Variants in SSH1 observed in about 807,000 individuals in gnomAD.
SSH1 encodes the protein protein phosphatase Slingshot homolog 1.
In SSH1, 43 loss-of-function variants were observed where a neutral mutation model predicts 79.7. That is an observed-to-expected ratio of 0.54 (90% CI 0.42 to 0.70). The LOEUF (loss-of-function observed/expected upper bound fraction) is 0.70. SSH1 is among the 30% of genes least tolerant of loss of function. The pLI, the probability that SSH1 is intolerant of heterozygous loss-of-function variation, is 0.00. For missense variants in SSH1, 1,206 were observed against 1,358.8 expected, an observed-to-expected ratio of 0.89 and a Z score of 1.77; for synonymous variants, 599 against 538.3, an observed-to-expected ratio of 1.11 and a Z score of -1.56.
chr12:108,792,949 T>C (rs1191213323), intron 13 of SSH1, 120 bp from the exon 14 acceptor site: 4 of 1,205,292 alleles, frequency 3.3e-6, no homozygotes, highest in Non-Finnish European at 4.7e-6. Context: ...GGACGATCCA[T>C]GGCTCATTCA....
At chr12:108,824,067 G>C (rs1159006660) in intron 2 of SSH1, among the ~76,000 whole-genome samples, 1 of 152,194 alleles carries the variant, frequency 6.6e-6, no homozygotes, top group South Asian at 2.1e-4. Context: ...TAACTCTCTG[G>C]CTTTTAACAA....
At chr12:108,794,181 A>T (rs2036640057) in intron 13 of SSH1, among the ~76,000 whole-genome samples, 1 of 152,198 alleles carries the variant, frequency 6.6e-6, no homozygotes, top group Non-Finnish European at 1.5e-5. Flanking sequence ...TCCTTCCAAC[A>T]CCAGACTGAT....
At chr12:108,835,365 T>C (rs969259708) in intron 2 of SSH1, among the ~76,000 whole-genome samples, 2 of 152,026 alleles carry the variant, frequency 1.3e-5, no homozygotes, top group Middle Eastern at 3.4e-3. Context: ...ACCCAGGAGA[T>C]GGAGGTTGCA....
intron 2 of SSH1, among the ~76,000 whole-genome samples, chr12:108,828,231 T>A (rs2038379535): frequency 6.6e-6 from 1 of 152,184 alleles, no homozygotes; most frequent in South Asian, 2.1e-4. Context: ...GGGGCTTCTC[T>A]TCCCTCGGCT....
At position 108,788,995 on chromosome 12, in the gene SSH1, G is replaced by A. The variant is rs61739305; in HGVS notation, c.2143C>T (p.Leu715=). 6 of 1,609,702 alleles carry A rather than the reference G, an allele frequency of 3.7e-6. No homozygotes were observed. The South Asian group carries it at 4.4e-5, about 12-fold the overall frequency. ...ASGPTEPPPF[L]PPAGSRRADT... is the part of the protein sequence containing the mutation. ...GCCCTCCTGGAGCCTGCTGGTGGTAGGAACGGGGGAGGTTCGGTTGGGCCA... is the reference window on the plus strand; with the variant it reads ...GCCCTCCTGGAGCCTGCTGGTGGTAAGAACGGGGGAGGTTCGGTTGGGCCA... Residue 715 remains leucine (L), a synonymous_variant, in exon 15 of 15, where the codon CTA becomes TTA. Transcript: ENST00000326495.
chr12:108,825,208 C>A (rs568083799), intron 2 of SSH1, among the ~76,000 whole-genome samples: 1 of 152,294 alleles, frequency 6.6e-6, no homozygotes, highest in South Asian at 2.1e-4. Flanking sequence ...AAGCAGTCTT[C>A]TAATTAAAGA....
intron 2 of SSH1, among the ~76,000 whole-genome samples, chr12:108,846,476 C>A (rs999874576): frequency 6.6e-6 from 1 of 152,200 alleles, no homozygotes; most frequent in Non-Finnish European, 1.5e-5. Context: ...ACAGTCTGAA[C>A]GGCACAGCTT....
Position 108,788,723 on chromosome 12 carries a change from G to A in SSH1, c.2415C>T (p.Tyr805=). The A allele has an allele frequency of 6.2e-7, 1 of 1,614,246 alleles. No individual in the cohort carries two copies. The highest frequency in any genetic ancestry group is 8.5e-7 in the Non-Finnish European group (1 of 1,180,044). ...TGATGGACTCCTGGTGCTGCATCAG[G>A]TAGCTGTTGGTTGTCGGCTTCTCAG... ...NESEKPTTNS[Y]LMQHQESIIQ... Residue 805 remains tyrosine, a synonymous_variant, in exon 15 of 15, where the codon TAC becomes TAT. Transcript: ENST00000326495.
chr12:108,819,660 C>G (rs1232703578), intron 3 of SSH1, among the ~76,000 whole-genome samples: 3 of 152,116 alleles, frequency 2.0e-5, no homozygotes, highest in African/African-American at 7.2e-5. Flanking sequence ...AAGACCCCAT[C>G]TCTACAGAAA....
In SSH1 at chr12:108,807,083, C is replaced by T. The variant is rs905331178; in HGVS notation, c.731+550G>A. Reference sequence around the variant, plus strand: ...CCCGAGGGGAGGGGCGACCAGCATTCTCCCTAACTAGACTTCAGCGAGTGT... The same window carrying T: ...CCCGAGGGGAGGGGCGACCAGCATTTTCCCTAACTAGACTTCAGCGAGTGT... On this transcript the variant is annotated intron_variant, in intron 8 of 14. Coordinates refer to ENST00000326495, the MANE Select transcript of SSH1 (RefSeq NM_018984.4). The surrounding 1 kb of genome is among the most constrained non-coding windows in gnomAD (Gnocchi z 5.2). 6.6e-6 allele frequency among the ~76,000 whole-genome samples: 1 copy of T among 152,236 alleles called. No individual in the cohort carries two copies. The highest frequency in any genetic ancestry group is 1.5e-5 in the Non-Finnish European group (1 of 68,048).
intron 1 of SSH1, chr12:108,852,891 C>A: frequency 1.0e-6 from 1 of 985,400 alleles, no homozygotes; most frequent in Non-Finnish European, 1.2e-6. Flanking sequence ...AAATGTTGAC[C>A]CACATTCCTG....
intron 1 of SSH1, among the ~76,000 whole-genome samples, chr12:108,853,944 A>C (rs1462112595): frequency 6.6e-6 from 1 of 151,462 alleles, no homozygotes; most frequent in African/African-American, 2.4e-5. Flanking sequence ...AAAAGCGTAC[A>C]CCAGAGGGCC....
At chr12:108,853,873 G>A (rs545814108) in intron 1 of SSH1, among the ~76,000 whole-genome samples, 1 of 150,990 alleles carries the variant, frequency 6.6e-6, no homozygotes, top group Non-Finnish European at 1.5e-5. Context: ...GCAGTGAGCC[G>A]AGATTGCACC....
intron 10 of SSH1, among the ~76,000 whole-genome samples, chr12:108,803,965 T>C (rs1020899641): frequency 3.9e-5 from 6 of 152,226 alleles, no homozygotes; most frequent in African/African-American, 7.2e-5. Context: ...TTGTCTCTAG[T>C]AGTAAATTTA....
In SSH1 at chr12:108,811,348, A is replaced by T; in HGVS notation, c.402-20T>A. The T allele has an allele frequency of 6.2e-7, 1 of 1,613,652 alleles. No individual in the cohort carries two copies. The highest frequency in any genetic ancestry group is 8.5e-7 in the Non-Finnish European group (1 of 1,179,538). On this transcript the variant is annotated intron_variant, in intron 5 of 14. Transcript: ENST00000326495. ...CTTTTACTGCGATGGGGGAGAGAAG[A>T]CATGTGGAGTCAGCGTCTACCCACC...
rs1283776376 is a variant in SSH1 at position 108,778,908 on chromosome 12, GA to G, written c.*9079del. 1.3e-5 allele frequency: 2 copies of G among 152,176 alleles called. No homozygotes were observed. Among genetic ancestry groups the G allele is most frequent in the African/African-American group, 4.8e-5 (2 of 41,414 alleles). The allele number at this position is 152,176 out of a possible 1,614,324, so 9.4% of individuals were successfully genotyped here. Reference sequence around the variant, plus strand: ...TGCAACCTCTGCCTCCCAGGCTCAGGAGATCCTTCACCTCAGCCACTCAAGT... The same window carrying G: ...TGCAACCTCTGCCTCCCAGGCTCAGGGATCCTTCACCTCAGCCACTCAAGT... On this transcript the variant is annotated 3_prime_UTR_variant, in exon 15 of 15. Transcript: ENST00000326495.
chr12:108,789,778 AC>A (rs2036424575), intron 14 of SSH1, among the ~76,000 whole-genome samples: 1 of 151,030 alleles, frequency 6.6e-6, no homozygotes, highest in East Asian at 1.9e-4. Context: ...GGAGGAGGGC[AC>A]CCCCCTACCC....
At chr12:108,823,090 T>C (rs1271796017) in intron 3 of SSH1, among the ~76,000 whole-genome samples, 168 bp downstream of exon 3, 6 of 152,220 alleles carry the variant, frequency 3.9e-5, no homozygotes, top group Non-Finnish European at 8.8e-5. Flanking sequence ...AAAATGTGCG[T>C]GGTCTGCTCA....
intron 10 of SSH1, among the ~76,000 whole-genome samples, chr12:108,803,916 A>G (rs1056413967): frequency 3.3e-5 from 5 of 152,296 alleles, no homozygotes; most frequent in Non-Finnish European, 4.4e-5. Flanking sequence ...TGACATATAC[A>G]TAACTCTTAA....
Sources: allele counts gnomAD v4.1 joint callset (sites outside exome capture counted in the v4.1 genomes callset), GRCh38; gene constraint gnomAD v4.1.1; non-coding constraint Gnocchi (gnomAD v3.1); transcripts MANE v1.5; gene names NCBI Gene and HGNC (gene_info 2026-07-23, HGNC 2026-07-21).